Variants in GALNT13 observed in about 807,000 individuals in gnomAD.
The protein encoded by GALNT13 is UDP-GalNAc:polypeptide N-acetylgalactosaminyltransferase 13.
Under a neutral mutation model 64.2 loss-of-function variants are expected in GALNT13, and 28 were observed. That is an observed-to-expected ratio of 0.44 (90% CI 0.32 to 0.60). The LOEUF (loss-of-function observed/expected upper bound fraction) is 0.60. Ranked by LOEUF, GALNT13 falls within the 20% of genes least tolerant of loss-of-function variation. The pLI is 0.05. For synonymous variants in GALNT13, 214 were observed against 224.6 expected (o/e 0.95, Z 0.42); for missense variants, 577 against 669.8 (o/e 0.86, Z 1.53).
At chr2:154,035,396 T>G (rs1395857232) in intron 3 of GALNT13, among the ~76,000 whole-genome samples, 2 of 152,050 alleles carry the variant, frequency 1.3e-5, no homozygotes, top group African/African-American at 4.8e-5. Flanking sequence ...GAACTTTAAA[T>G]TAACCCCGGA....
At chr2:153,221,765 GGC>G in the GALNT13 span, among the ~76,000 whole-genome samples, 1 of 152,206 alleles carries the variant, frequency 6.6e-6, no homozygotes, top group African/African-American at 2.4e-5. Flanking sequence ...ACTGTGACAG[GGC>G]GGGCAGCTCC....
the GALNT13 span, among the ~76,000 whole-genome samples, chr2:153,074,301 TTTGAG>T: frequency 1.3e-5 from 2 of 152,226 alleles, no homozygotes; most frequent in African/African-American, 2.4e-5. Flanking sequence ...TTTTTGACCA[TTTGAG>T]TTAACTATTT....
chr2:153,768,665 C>A, the GALNT13 span, among the ~76,000 whole-genome samples: 1 of 152,028 alleles, frequency 6.6e-6, no homozygotes, highest in African/African-American at 2.4e-5. Flanking sequence ...GAGATTGAGA[C>A]CAGCCTGGCT....
chr2:154,075,292 AAAACAACACAGTTC>A (rs1700930756), intron 3 of GALNT13, among the ~76,000 whole-genome samples: 1 of 151,844 alleles, frequency 6.6e-6, no homozygotes, highest in Non-Finnish European at 1.5e-5. Context: ...AGATACTGTC[AAAACAACACAGTTC>A]TTTCTATTTC....
chr2:153,905,415 T>C (rs1347181242), intron 2 of GALNT13, among the ~76,000 whole-genome samples: 1 of 151,978 alleles, frequency 6.6e-6, no homozygotes, highest in African/African-American at 2.4e-5. Context: ...GTTTAATTTA[T>C]AACTTAGGCA....
the GALNT13 span, among the ~76,000 whole-genome samples, chr2:153,537,587 T>C: frequency 6.6e-6 from 1 of 152,174 alleles, no homozygotes; most frequent in African/African-American, 2.4e-5. Context: ...GGTTTGGCTG[T>C]GTCTCCACCC....
chr2:153,394,894 T>TG, the GALNT13 span, among the ~76,000 whole-genome samples: 2 of 152,166 alleles, frequency 1.3e-5, no homozygotes, highest in Non-Finnish European at 2.9e-5. Flanking sequence ...CTCACAAGTC[T>TG]GGGAAATGAA....
the GALNT13 span, among the ~76,000 whole-genome samples, chr2:153,785,021 T>C: frequency 6.6e-6 from 1 of 152,274 alleles, no homozygotes. Context: ...GTCTCCAGAC[T>C]GAGGTGAGGT....
At chr2:153,555,029 G>A in the GALNT13 span, among the ~76,000 whole-genome samples, 164 of 151,930 alleles carry the variant, frequency 1.1e-3, 1 homozygote, top group Non-Finnish European at 2.0e-3. Context: ...TATTTTGTTG[G>A]ATAAATGAAA....
At chr2:153,902,392 A>G (rs554438938) in intron 2 of GALNT13, among the ~76,000 whole-genome samples, 9 of 152,242 alleles carry the variant, frequency 5.9e-5, no homozygotes, top group African/African-American at 2.2e-4. Flanking sequence ...CATGCTCCTA[A>G]ATGTGAGAGG....
At chr2:153,343,227 A>G in the GALNT13 span, among the ~76,000 whole-genome samples, 1 of 152,190 alleles carries the variant, frequency 6.6e-6, no homozygotes, top group Non-Finnish European at 1.5e-5. Flanking sequence ...AATAAGACCC[A>G]TTATGTTGTG....
the GALNT13 span, among the ~76,000 whole-genome samples, chr2:153,698,037 G>T: frequency 6.6e-6 from 1 of 152,142 alleles, no homozygotes; most frequent in Non-Finnish European, 1.5e-5. Flanking sequence ...TATCAGACAA[G>T]CAAATGCTGA....
At chr2:154,447,284 T>C (rs928369027) in intron 12 of GALNT13, among the ~76,000 whole-genome samples, 8 of 151,980 alleles carry the variant, frequency 5.3e-5, no homozygotes, top group Non-Finnish European at 1.0e-4. Context: ...AACACATTAT[T>C]AAAGACTAAG....
chr2:153,259,074 G>A, the GALNT13 span, among the ~76,000 whole-genome samples: 4 of 152,012 alleles, frequency 2.6e-5, no homozygotes, highest in Non-Finnish European at 5.9e-5. Flanking sequence ...TATTGTATTA[G>A]CTCTCATATT....
At chr2:153,837,207 G>T in the GALNT13 span, among the ~76,000 whole-genome samples, 1 of 152,094 alleles carries the variant, frequency 6.6e-6, no homozygotes, top group Admixed American at 6.6e-5. Context: ...ATTCTAACTG[G>T]TGTGAGATGA....
At chr2:154,277,147 G>A (rs934701724) in intron 8 of GALNT13, among the ~76,000 whole-genome samples, 2 of 152,112 alleles carry the variant, frequency 1.3e-5, no homozygotes, top group African/African-American at 4.8e-5. Context: ...TATTACTAAA[G>A]CATTACATGT....
the GALNT13 span, among the ~76,000 whole-genome samples, chr2:153,495,711 C>A: frequency 1.3e-5 from 2 of 152,188 alleles, no homozygotes; most frequent in African/African-American, 4.8e-5. Flanking sequence ...AACTACTAAT[C>A]TATCATATCA....
At chr2:153,570,134 C>A in the GALNT13 span, among the ~76,000 whole-genome samples, 1 of 152,202 alleles carries the variant, frequency 6.6e-6, no homozygotes, top group African/African-American at 2.4e-5. Flanking sequence ...GGATAAAAGG[C>A]ATTTTAACTG....
the GALNT13 span, among the ~76,000 whole-genome samples, chr2:153,862,458 T>C: frequency 6.6e-6 from 1 of 152,180 alleles, no homozygotes; most frequent in Non-Finnish European, 1.5e-5. Context: ...AGAATAATAC[T>C]ATGTTGTTTA....
Sources: allele counts gnomAD v4.1 joint callset (sites outside exome capture counted in the v4.1 genomes callset), GRCh38; gene constraint gnomAD v4.1.1; transcripts MANE v1.5; gene names NCBI Gene and HGNC (gene_info 2026-07-23, HGNC 2026-07-21).